The following APPL2 variants were observed in gnomAD, a reference collection of about 807,000 sequenced individuals.
APPL2 encodes adaptor protein, phosphotyrosine interacting with PH domain and leucine zipper 2.
In APPL2, 84 loss-of-function variants were observed where a neutral mutation model predicts 92.7. The observed-to-expected ratio is 0.91, with a 90% CI of 0.76 to 1.09. The LOEUF (loss-of-function observed/expected upper bound fraction) is 1.09. APPL2 is among the 50% of genes least tolerant of loss of function. The pLI, the probability that APPL2 is intolerant of heterozygous loss-of-function variation, is 0.00. For missense variants in APPL2, 736 were observed against 824.5 expected, an observed-to-expected ratio of 0.89 and a Z score of 1.31; for synonymous variants, 291 against 291.0, an observed-to-expected ratio of 1.00 and a Z score of 0.00.
chr12:105,186,194 CTTTT>C (rs555128735), intron 17 of APPL2, among the ~76,000 whole-genome samples: 1 of 151,798 alleles, frequency 6.6e-6, no homozygotes, highest in African/African-American at 2.4e-5. Flanking sequence ...TGGATTTCAG[CTTTT>C]TTTTCAGATT....
At chr12:105,213,959 G>C (rs1077896) in intron 4 of APPL2, among the ~76,000 whole-genome samples, 25,945 of 152,064 alleles carry the variant, frequency 0.17, 2,489 homozygotes, top group East Asian at 0.25. Flanking sequence ...GGCTGAGGCG[G>C]GCAGATCACT....
intron 2 of APPL2, among the ~76,000 whole-genome samples, chr12:105,228,665 CACAA>C (rs1045031694): frequency 3.0e-5 from 4 of 134,280 alleles, no homozygotes; most frequent in African/African-American, 7.7e-5. Flanking sequence ...ATATTTGTTC[CACAA>C]ACAAAGAAGC....
At position 105,195,509 on chromosome 12, in the gene APPL2, G is replaced by C. The variant is rs756793583; in HGVS notation, c.1096-8C>G. ...GTTTATTGCACATATCCACTGTAGA[G>C]GACATTAAAAAAGAACACTGAATCC... On this transcript the variant is annotated splice_region_variant and splice_polypyrimidine_tract_variant and intron_variant, in intron 12 of 20. Coordinates refer to ENST00000258530, the MANE Select transcript of APPL2 (RefSeq NM_018171.5). 3 of 1,614,098 alleles carry C rather than the reference G, an allele frequency of 1.9e-6. No homozygotes were observed. The African/African-American group carries it at 4.0e-5, about 22-fold the overall frequency.
At chr12:105,183,729 TG>T (rs1886341986) in intron 17 of APPL2, among the ~76,000 whole-genome samples, 2 of 152,188 alleles carry the variant, frequency 1.3e-5, no homozygotes, top group Non-Finnish European at 2.9e-5. Context: ...CTGATGATTA[TG>T]TGTCTTGGGG....
At chr12:105,229,346 G>A in intron 1 of APPL2, 123 bp from the exon 2 acceptor site, 2 of 959,798 alleles carry the variant, frequency 2.1e-6, no homozygotes, top group African/African-American at 3.3e-5. Context: ...GTACCTGTTG[G>A]TTCCCTGGCT....
intron 17 of APPL2, 176 bp from the exon 18 acceptor site, chr12:105,177,438 C>T: frequency 3.2e-6 from 2 of 631,610 alleles, no homozygotes; most frequent in Non-Finnish European, 5.5e-6. Flanking sequence ...CTTTAAGGAA[C>T]CTGTGTAGCT....
At chr12:105,211,181 C>T (rs1889181332) in intron 5 of APPL2, 49 bp downstream of exon 5, 1 of 1,219,154 alleles carries the variant, frequency 8.2e-7, no homozygotes, top group African/African-American at 1.5e-5. Flanking sequence ...TTATGAAATG[C>T]ATTACACAAT....
chr12:105,229,354 G>A (rs541079498), intron 1 of APPL2, 131 bp from the exon 2 acceptor site: 1 of 932,692 alleles, frequency 1.1e-6, no homozygotes, highest in South Asian at 1.7e-5. Context: ...TGGTTCCCTG[G>A]CTTCTTTTAT....
chr12:105,192,347 C>A (rs1887277888), intron 14 of APPL2, among the ~76,000 whole-genome samples: 1 of 152,176 alleles, frequency 6.6e-6, no homozygotes, highest in South Asian at 2.1e-4. Context: ...GCAGCCAGAG[C>A]TAACTAACTT....
chr12:105,180,099 G>A (rs946986044), intron 17 of APPL2, among the ~76,000 whole-genome samples: 1 of 152,156 alleles, frequency 6.6e-6, no homozygotes, highest in South Asian at 2.1e-4. Context: ...GGTTTTTATG[G>A]TTTTAGGTCT....
chr12:105,196,364 G>C (rs1592782295), intron 11 of APPL2, among the ~76,000 whole-genome samples: 1 of 150,774 alleles, frequency 6.6e-6, no homozygotes, highest in South Asian at 2.1e-4. Context: ...AGTCTGCTGC[G>C]TATGGAGGCC....
At chr12:105,186,692 C>CATATCATAT (rs1886733001) in intron 17 of APPL2, among the ~76,000 whole-genome samples, 1 of 54,056 alleles carries the variant, frequency 1.8e-5, no homozygotes, top group African/African-American at 6.3e-5. Context: ...ATATATATAT[C>CATATCATAT]ATATATCATA....
chr12:105,233,375 C>G lies in APPL2; in HGVS notation c.54+2584G>C, dbSNP rs138576219. 9.3e-4 allele frequency: 912 copies of G among 985,438 alleles called. 8 individuals are homozygous for G. The African/African-American group carries it at 0.015, about 16-fold the overall frequency. The allele number at this position is 985,438 out of a possible 1,614,324, so 61.0% of individuals were successfully genotyped here. ...ACATATGAGAGGTAAGCAGAAATAA[C>G]GCATGTGTATGCACACAGACTAGTT... On this transcript the variant is annotated intron_variant, in intron 1 of 20. Coordinates refer to ENST00000258530, the MANE Select transcript of APPL2 (RefSeq NM_018171.5).
intron 17 of APPL2, among the ~76,000 whole-genome samples, chr12:105,187,449 G>A (rs1886830745): frequency 6.6e-6 from 1 of 152,090 alleles, no homozygotes; most frequent in Admixed American, 6.5e-5. Flanking sequence ...AAAAAACTGA[G>A]GTACAGAGGC....
intron 9 of APPL2, among the ~76,000 whole-genome samples, chr12:105,201,003 G>A (rs185881640): frequency 1.3e-5 from 2 of 152,222 alleles, no homozygotes; most frequent in Admixed American, 1.3e-4. Flanking sequence ...CCGCCTCCTG[G>A]GTTCAAGCGA....
intron 20 of APPL2, among the ~76,000 whole-genome samples, chr12:105,175,808 A>T (rs1885483590): frequency 6.6e-6 from 1 of 152,298 alleles, no homozygotes; most frequent in African/African-American, 2.4e-5. Context: ...CAAGCAAGAA[A>T]ACAGATAAGC....
At chr12:105,193,915 C>T (rs1470418719) in intron 14 of APPL2, among the ~76,000 whole-genome samples, 1 of 152,190 alleles carries the variant, frequency 6.6e-6, no homozygotes, top group Admixed American at 6.5e-5. Context: ...CCATTTTGCT[C>T]CATTGCCTGT....
chr12:105,185,334 G>A (rs895515003), intron 17 of APPL2, among the ~76,000 whole-genome samples: 3 of 152,202 alleles, frequency 2.0e-5, no homozygotes, highest in African/African-American at 7.2e-5. Context: ...CTAGCTCAGT[G>A]TCTGCCCAAA....
intron 2 of APPL2, among the ~76,000 whole-genome samples, chr12:105,220,776 C>T (rs547390720): frequency 6.6e-6 from 1 of 152,302 alleles, no homozygotes; most frequent in African/African-American, 2.4e-5. Context: ...AAGGGGAGAG[C>T]ACTCATGTGC....
Sources: allele counts gnomAD v4.1 joint callset (sites outside exome capture counted in the v4.1 genomes callset), GRCh38; gene constraint gnomAD v4.1.1; transcripts MANE v1.5; gene names NCBI Gene and HGNC (gene_info 2026-07-23, HGNC 2026-07-21).